DCDC1: variants seen among roughly 807,000 people sequenced by gnomAD.
The protein encoded by DCDC1 is doublecortin domain-containing protein 1.
A neutral mutation model predicts 178.3 loss-of-function variants in DCDC1; 200 were observed. That is an observed-to-expected ratio of 1.12 (90% CI 1.00 to 1.26). The LOEUF (loss-of-function observed/expected upper bound fraction) is 1.26. Ranked by LOEUF, DCDC1 falls within the 50% of genes most tolerant of loss-of-function variation. The pLI, the probability that DCDC1 is intolerant of heterozygous loss-of-function variation, is 0.00. For missense variants in DCDC1, 1,983 were observed against 1,749.2 expected (o/e 1.13, Z -2.38); for synonymous variants, 690 against 604.8 (o/e 1.14, Z -2.07).
chr11:30,899,361 C>CA (rs1288140619), intron 34 of DCDC1, among the ~76,000 whole-genome samples, 180 bp downstream of exon 34: 8 of 151,930 alleles, frequency 5.3e-5, no homozygotes, highest in Non-Finnish European at 7.4e-5. Flanking sequence ...AAAATCAGAC[C>CA]AAAAAATATA....
chr11:31,112,008 T>C (rs1364533869), intron 11 of DCDC1, among the ~76,000 whole-genome samples: 7 of 152,086 alleles, frequency 4.6e-5, no homozygotes, highest in Non-Finnish European at 7.4e-5. Context: ...AAAAGTGTTC[T>C]CAAAAATAAA....
At position 31,147,421 on chromosome 11, in the gene DCDC1, T is replaced by C. The variant is rs577886542; in HGVS notation, c.1222-9637A>G. ...GATATTGTCTTGTTGGACAATTCCA[T>C]TGAACACTCAGCAACAATATTATTG... On this transcript the variant is annotated intron_variant, in intron 9 of 38. Transcript: ENST00000684477. Among the ~76,000 whole-genome samples the C allele has an allele frequency of 4.6e-5, 7 of 152,310 alleles. No individual in the cohort carries two copies. In the South Asian group the frequency reaches 1.0e-3, roughly 23 times the overall value.
chr11:31,050,801 G>T (rs1955194836), intron 20 of DCDC1, among the ~76,000 whole-genome samples: 1 of 152,150 alleles, frequency 6.6e-6, no homozygotes, highest in African/African-American at 2.4e-5. Context: ...ATAGGAAAAG[G>T]GGGAGAGTCT....
At chr11:31,006,961 A>T (rs1951880832) in intron 20 of DCDC1, among the ~76,000 whole-genome samples, 1 of 152,220 alleles carries the variant, frequency 6.6e-6, no homozygotes, top group Admixed American at 6.5e-5. Flanking sequence ...ACATCTAGAA[A>T]CTAAGTCTGG....
At chr11:31,269,112 A>C (rs1945372013) in intron 7 of DCDC1, among the ~76,000 whole-genome samples, 1 of 152,160 alleles carries the variant, frequency 6.6e-6, no homozygotes, top group African/African-American at 2.4e-5. Context: ...AGAATGAAAA[A>C]TCTTTGCAGT....
intron 9 of DCDC1, among the ~76,000 whole-genome samples, chr11:31,190,301 T>C (rs939665560): frequency 3.3e-5 from 5 of 152,134 alleles, no homozygotes; most frequent in African/African-American, 1.2e-4. Flanking sequence ...GCTGAGCAGA[T>C]AAATAATTTG....
chr11:31,118,893 C>T (rs955389513), intron 11 of DCDC1, among the ~76,000 whole-genome samples: 5 of 152,298 alleles, frequency 3.3e-5, no homozygotes, highest in Admixed American at 1.3e-4. Context: ...TTGATACAGA[C>T]GCAGTTTTTC....
chr11:31,315,644 AC>A (rs1170060799), intron 3 of DCDC1, among the ~76,000 whole-genome samples: 3 of 102,842 alleles, frequency 2.9e-5, no homozygotes, highest in African/African-American at 1.4e-4. Context: ...CCATCTGCAT[AC>A]CTTTTTTTTT....
At chr11:31,015,081 G>A (rs2135149450) in intron 20 of DCDC1, among the ~76,000 whole-genome samples, 1 of 151,970 alleles carries the variant, frequency 6.6e-6, no homozygotes, top group South Asian at 2.1e-4. Flanking sequence ...CAAGTAGCTG[G>A]GACTACAGGC....
At chr11:30,878,379 G>A (rs753430048) in intron 38 of DCDC1, among the ~76,000 whole-genome samples, 165 bp downstream of exon 38, 1 of 152,008 alleles carries the variant, frequency 6.6e-6, no homozygotes, top group African/African-American at 2.4e-5. Context: ...CGTGAGCCCC[G>A]GGAGGTCAAG....
intron 7 of DCDC1, among the ~76,000 whole-genome samples, chr11:31,285,689 G>C (rs1052097845): frequency 2.0e-5 from 3 of 152,002 alleles, no homozygotes; most frequent in African/African-American, 7.2e-5. Flanking sequence ...ATGGCTTAAA[G>C]GCATCTGATA....
At chr11:31,091,583 C>A in intron 16 of DCDC1, 72 bp from the exon 17 acceptor site, 2 of 689,468 alleles carry the variant, frequency 2.9e-6, no homozygotes, top group Non-Finnish European at 2.7e-6. Context: ...CAATGTGTCA[C>A]AAATAGTGAG....
At chr11:31,178,719 G>A (rs975597790) in intron 9 of DCDC1, among the ~76,000 whole-genome samples, 6 of 152,154 alleles carry the variant, frequency 3.9e-5, no homozygotes, top group African/African-American at 1.4e-4. Flanking sequence ...CTGAGACGGA[G>A]TCTTGCTCTG....
intron 16 of DCDC1, among the ~76,000 whole-genome samples, chr11:31,091,726 T>C (rs587492): frequency 0.53 from 80,767 of 151,808 alleles, 22,577 homozygotes; most frequent in African/African-American, 0.72. Flanking sequence ...TACAGTTCAG[T>C]GCGAAATAAA....
chr11:31,249,826 A>G (rs1244544391), intron 8 of DCDC1, among the ~76,000 whole-genome samples: 1 of 152,208 alleles, frequency 6.6e-6, no homozygotes, highest in Non-Finnish European at 1.5e-5. Flanking sequence ...AATTTAAAGA[A>G]GAAACTTTAT....
At chr11:31,326,728 T>G (rs1949668972) in intron 3 of DCDC1, among the ~76,000 whole-genome samples, 1 of 152,140 alleles carries the variant, frequency 6.6e-6, no homozygotes, top group South Asian at 2.1e-4. Context: ...CTTAACCTAG[T>G]GACACACAAA....
At position 30,864,362 on chromosome 11, in the gene DCDC1, C is replaced by T. The variant is rs1369130957; in HGVS notation, c.*1011G>A. On this transcript the variant is annotated 3_prime_UTR_variant, in exon 39 of 39. Transcript: ENST00000684477. The stretch of plus-strand genomic sequence containing the variant: ...GATATATTTTAAGGATATAAGATGT[C>T]TAGTTTATACCATGACATTTCTTTC... 6.6e-6 allele frequency: 1 copy of T among 152,182 alleles called. No individual in the cohort carries two copies. The highest frequency in any genetic ancestry group is 2.4e-5 in the African/African-American group (1 of 41,448). 9.4% of individuals were successfully genotyped at this position (152,182 alleles called of 1,614,324 possible). A position where few individuals can be genotyped will look rare whatever the true frequency, so the allele number is the denominator to read the frequency against.
At chr11:31,003,687 G>C (rs1196203299) in intron 20 of DCDC1, among the ~76,000 whole-genome samples, 3 of 152,024 alleles carry the variant, frequency 2.0e-5, no homozygotes, top group Non-Finnish European at 4.4e-5. Context: ...AAATGAGAGA[G>C]GTGTAGTGTA....
chr11:30,947,886 C>G (rs1028200808), intron 21 of DCDC1, among the ~76,000 whole-genome samples: 4 of 151,804 alleles, frequency 2.6e-5, no homozygotes, highest in African/African-American at 7.3e-5. Flanking sequence ...ATCAAATAAC[C>G]TAACAAAAAA....
Sources: gnomAD v4.1 joint callset for allele counts (sites outside exome capture counted in the v4.1 genomes callset) on GRCh38, gnomAD v4.1.1 for gene constraint, MANE v1.5 for transcripts, NCBI Gene and HGNC (gene_info 2026-07-23, HGNC 2026-07-21) for gene names.